Variants in CACNG3 observed in about 807,000 individuals in gnomAD.
CACNG3 encodes voltage-dependent calcium channel gamma-3 subunit.
Under a neutral mutation model 28.5 loss-of-function variants are expected in CACNG3, and 3 were observed. The observed-to-expected ratio is 0.11, with a 90% confidence interval of 0.05 to 0.27. The LOEUF (loss-of-function observed/expected upper bound fraction) is 0.27, where lower values mean the gene tolerates loss of function less well. CACNG3 is among the 10% of genes least tolerant of loss of function. The pLI, the probability that CACNG3 is intolerant of heterozygous loss-of-function variation, is 1.00. For synonymous variants in CACNG3, 174 were observed against 162.2 expected (o/e 1.07, Z -0.55); for missense variants, 236 against 414.4 (o/e 0.57, Z 3.74).
chr16:24,351,814 A>G (rs72781867), intron 2 of CACNG3, among the ~76,000 whole-genome samples: 34,414 of 140,928 alleles, frequency 0.24, 5,383 homozygotes, highest in South Asian at 0.5. Flanking sequence ...AATCCCTTCC[A>G]TCTTCTCTCT....
chr16:24,317,648 A>AAAGGAAAAGAAAGAAAGAAAGAAAGAAAG (rs1491194402), intron 1 of CACNG3, among the ~76,000 whole-genome samples: 1 of 55,710 alleles, frequency 1.8e-5, no homozygotes, highest in Non-Finnish European at 3.3e-5. Flanking sequence ...GAAAGAAAAG[A>AAAGGAAAAGAAAGAAAGAAAGAAAGAAAG]AAAGAAAGAA....
intron 1 of CACNG3, among the ~76,000 whole-genome samples, chr16:24,317,558 G>GAAAGAA (rs1899370707): frequency 5.9e-5 from 1 of 16,852 alleles, no homozygotes; most frequent in East Asian, 1.6e-3. Flanking sequence ...AAAAGAAAAA[G>GAAAGAA]AAAGAAAGAA....
intron 1 of CACNG3, among the ~76,000 whole-genome samples, chr16:24,296,759 C>T (rs1899036266): frequency 6.6e-6 from 1 of 152,192 alleles, no homozygotes; most frequent in Non-Finnish European, 1.5e-5. Context: ...AGAGGGGCTG[C>T]TTGATGCCTG....
intron 1 of CACNG3, among the ~76,000 whole-genome samples, chr16:24,273,020 C>T (rs530632924): frequency 6.6e-6 from 1 of 152,240 alleles, no homozygotes; most frequent in East Asian, 1.9e-4. Context: ...CAGTAGGCCC[C>T]AGTGTGTGTT....
At chr16:24,332,414 A>G (rs1899642653) in intron 1 of CACNG3, among the ~76,000 whole-genome samples, 1 of 150,790 alleles carries the variant, frequency 6.6e-6, no homozygotes, top group African/African-American at 2.4e-5. Context: ...GCAGTGAGCC[A>G]TGATTGTGCC....
chr16:24,272,263 T>G (rs1033552856), intron 1 of CACNG3, among the ~76,000 whole-genome samples: 10 of 152,146 alleles, frequency 6.6e-5, no homozygotes, highest in Non-Finnish European at 1.5e-4. Context: ...ATATAAATGT[T>G]TAAAACAAAG....
At chr16:24,291,117 C>A (rs185656821) in intron 1 of CACNG3, among the ~76,000 whole-genome samples, 3 of 152,292 alleles carry the variant, frequency 2.0e-5, no homozygotes, top group Admixed American at 1.3e-4. Context: ...GATAATAGTA[C>A]CTCCCTCATA....
intron 1 of CACNG3, among the ~76,000 whole-genome samples, chr16:24,282,317 G>A (rs1898840080): frequency 6.6e-6 from 1 of 152,076 alleles, no homozygotes; most frequent in Admixed American, 6.6e-5. Context: ...ACGTTTGGGA[G>A]GCCACACAGA....
chr16:24,257,042 T>C (rs542923082), intron 1 of CACNG3, 77 bp downstream of exon 1: 163 of 914,218 alleles, frequency 1.8e-4, no homozygotes, highest in Middle Eastern at 7.0e-4. Flanking sequence ...GAGATGGAAA[T>C]GGTGATAAGG....
At chr16:24,330,058 G>T (rs896046585) in intron 1 of CACNG3, among the ~76,000 whole-genome samples, 6 of 151,972 alleles carry the variant, frequency 3.9e-5, no homozygotes, top group Admixed American at 1.3e-4. Flanking sequence ...AAAAATAAAA[G>T]AAAAGAAACA....
intron 1 of CACNG3, among the ~76,000 whole-genome samples, chr16:24,260,025 T>C (rs1279277558): frequency 6.6e-6 from 1 of 152,222 alleles, no homozygotes; most frequent in African/African-American, 2.4e-5. Context: ...GTATTTGCAC[T>C]GGTATTGACT....
intron 1 of CACNG3, among the ~76,000 whole-genome samples, chr16:24,305,320 ATGTGTGTGTGTGTGTGTGTGTGTGTGTG>A (rs57584370): frequency 3.7e-4 from 50 of 136,216 alleles, no homozygotes; most frequent in African/African-American, 1.3e-3. Context: ...ATACATAAAT[ATGTGTGTGTGTGTGTGTGTGTGTGTGTG>A]TGTGTGTGTG....
intron 1 of CACNG3, among the ~76,000 whole-genome samples, chr16:24,312,354 T>C (rs1596638253): frequency 6.6e-6 from 1 of 152,112 alleles, no homozygotes; most frequent in East Asian, 1.9e-4. Context: ...ATACAAAGAG[T>C]ATGACGTCCA....
chr16:24,294,299 C>T (rs183917585), intron 1 of CACNG3, among the ~76,000 whole-genome samples: 1 of 152,314 alleles, frequency 6.6e-6, no homozygotes, highest in Non-Finnish European at 1.5e-5. Context: ...AATCAGCCAA[C>T]ACAAAGGGAC....
intron 1 of CACNG3, among the ~76,000 whole-genome samples, chr16:24,288,506 G>A (rs188750162): frequency 6.6e-6 from 1 of 152,278 alleles, no homozygotes; most frequent in Admixed American, 6.5e-5. Context: ...ACATTCAGCT[G>A]CCTGGACCAC....
intron 1 of CACNG3, among the ~76,000 whole-genome samples, chr16:24,335,831 T>C (rs1471915865): frequency 6.6e-6 from 1 of 152,002 alleles, no homozygotes; most frequent in Non-Finnish European, 1.5e-5. Context: ...ATCTCAGACT[T>C]TGAGAGGCCA....
chr16:24,274,166 G>A (rs1437988947), intron 1 of CACNG3, among the ~76,000 whole-genome samples: 2 of 137,202 alleles, frequency 1.5e-5, no homozygotes, highest in Non-Finnish European at 3.0e-5. Flanking sequence ...CAGCCTGGGC[G>A]ACAGTGCGAG....
intron 1 of CACNG3, among the ~76,000 whole-genome samples, 178 bp downstream of exon 1, chr16:24,257,143 G>A (rs575939752): frequency 6.6e-6 from 1 of 152,194 alleles, no homozygotes; most frequent in East Asian, 1.9e-4. Context: ...TAAAGGGGTT[G>A]GGTCTTGTTG....
intron 2 of CACNG3, among the ~76,000 whole-genome samples, chr16:24,350,429 G>A (rs916533503): frequency 1.3e-5 from 2 of 151,888 alleles, no homozygotes; most frequent in Non-Finnish European, 2.9e-5. Flanking sequence ...TCTTGAGCTG[G>A]GACTACAGGC....
Sources: gnomAD v4.1 joint callset for allele counts (sites outside exome capture counted in the v4.1 genomes callset) on GRCh38, gnomAD v4.1.1 for gene constraint, MANE v1.5 for transcripts, NCBI Gene and HGNC (gene_info 2026-07-23, HGNC 2026-07-21) for gene names.